The following NR2F1-AS1 variants were observed in gnomAD, a reference collection of about 807,000 sequenced individuals.
NR2F1-AS1 encodes NR2F1 antisense RNA 1.
chr5:93,476,624 A>G (rs1165778998), intron 4 of NR2F1-AS1, among the ~76,000 whole-genome samples: 1 of 152,192 alleles, frequency 6.6e-6, no homozygotes, highest in Non-Finnish European at 1.5e-5. Context: ...TCAATATCCC[A>G]TACATCAGCT....
intron 4 of NR2F1-AS1, among the ~76,000 whole-genome samples, chr5:93,510,963 G>A (rs1203150931): frequency 6.6e-6 from 1 of 152,122 alleles, no homozygotes; most frequent in African/African-American, 2.4e-5. Context: ...ACAGGAAATG[G>A]CAGTAATTCT....
intron 4 of NR2F1-AS1, among the ~76,000 whole-genome samples, chr5:93,418,530 A>G (rs534841639): frequency 1.3e-5 from 2 of 152,174 alleles, no homozygotes; most frequent in East Asian, 1.9e-4. Flanking sequence ...AAGTTGCAGT[A>G]AGCCAAGATT....
At chr5:93,511,692 CAGG>C (rs1455218927) in intron 4 of NR2F1-AS1, among the ~76,000 whole-genome samples, 3 of 152,174 alleles carry the variant, frequency 2.0e-5, no homozygotes, top group Non-Finnish European at 4.4e-5. Flanking sequence ...GGCCGCAAAG[CAGG>C]AGGTTAGCAG....
At chr5:93,568,149 T>C (rs766966771) in intron 1 of NR2F1-AS1, among the ~76,000 whole-genome samples, 2 of 152,332 alleles carry the variant, frequency 1.3e-5, no homozygotes, top group Non-Finnish European at 2.9e-5. Flanking sequence ...TAATTCAAGC[T>C]CTTGTGTAAA....
At chr5:93,540,657 G>A (rs530518213) in intron 4 of NR2F1-AS1, among the ~76,000 whole-genome samples, 4 of 152,146 alleles carry the variant, frequency 2.6e-5, no homozygotes, top group South Asian at 2.1e-4. Flanking sequence ...TTTTAGTGGA[G>A]TTGTGCTAAA....
upstream of NR2F1-AS1, chr5:93,583,836 T>A (rs891609376): frequency 6.6e-6 from 1 of 152,380 alleles, no homozygotes; most frequent in African/African-American, 2.4e-5. Flanking sequence ...TTCTTCTGAT[T>A]TTTATTTTTT....
intron 4 of NR2F1-AS1, among the ~76,000 whole-genome samples, chr5:93,466,311 C>T (rs1470072188): frequency 6.6e-6 from 1 of 151,666 alleles, no homozygotes; most frequent in Non-Finnish European, 1.5e-5. Context: ...TTTTTAATCA[C>T]ATACTGCCCT....
upstream of NR2F1-AS1, among the ~76,000 whole-genome samples, chr5:93,582,327 A>C (rs1753121171): frequency 6.6e-6 from 1 of 152,030 alleles, no homozygotes; most frequent in Non-Finnish European, 1.5e-5. Context: ...TTTATTTTTA[A>C]AATCATCTTT....
intron 4 of NR2F1-AS1, among the ~76,000 whole-genome samples, chr5:93,435,939 A>C (rs1288670227): frequency 2.0e-5 from 3 of 152,206 alleles, no homozygotes; most frequent in Admixed American, 2.0e-4. Context: ...CATGAAAACA[A>C]AGTAGATGTT....
chr5:93,419,760 C>T lies in NR2F1-AS1; in HGVS notation n.639-24218G>A, dbSNP rs138855145. Among the ~76,000 whole-genome samples the T allele has an allele frequency of 3.3e-3, 505 of 152,260 alleles. 2 individuals carry two copies. Among genetic ancestry groups the T allele is most frequent in the Non-Finnish European group, 5.2e-3 (351 of 68,010 alleles). On this transcript the variant is annotated intron_variant and non_coding_transcript_variant, in intron 4 of 5. Transcript: ENST00000660523. ...TGCAAAATTGACACCCCTTTCCTCT[C>T]CTAGGTTCTGAGCAAATAAAGAAAT...
At position 93,530,141 on chromosome 5, in the gene NR2F1-AS1, C is replaced by T. The variant is rs990314277; in HGVS notation, n.638+23620G>A. Among the ~76,000 whole-genome samples the T allele has an allele frequency of 6.1e-5, 8 of 132,188 alleles. No individual in the cohort carries two copies. The East Asian group carries it at 6.6e-4, about 11-fold the overall frequency. The allele number at this position is 132,188 out of a possible 152,430, so 86.7% of individuals were successfully genotyped here. ...TATCGCCCAGGCTGGAGTGCAGTGGCGCAATCTCAACTCACCGCAACCTCC... is the reference window on the plus strand; with the variant it reads ...TATCGCCCAGGCTGGAGTGCAGTGGTGCAATCTCAACTCACCGCAACCTCC... On this transcript the variant is annotated intron_variant and non_coding_transcript_variant, in intron 4 of 5. Coordinates refer to ENST00000660523, the Ensembl canonical transcript of NR2F1-AS1.
intron 4 of NR2F1-AS1, among the ~76,000 whole-genome samples, chr5:93,468,830 G>T (rs1750302883): frequency 6.6e-6 from 1 of 152,248 alleles, no homozygotes; most frequent in East Asian, 1.9e-4. Context: ...TGTATAAGGT[G>T]TAAGGAAGGG....
chr5:93,467,632 T>C (rs1750267744), intron 4 of NR2F1-AS1, among the ~76,000 whole-genome samples: 1 of 152,236 alleles, frequency 6.6e-6, no homozygotes, highest in South Asian at 2.1e-4. Context: ...AATATTCTGG[T>C]AGAATCCTTT....
intron 4 of NR2F1-AS1, chr5:93,409,870 C>T (rs1748814533): frequency 6.6e-6 from 1 of 152,178 alleles, no homozygotes; most frequent in Non-Finnish European, 1.5e-5. Flanking sequence ...AGCACTTACA[C>T]AATGCATTTC....
At chr5:93,438,146 T>A (rs540482413) in intron 4 of NR2F1-AS1, among the ~76,000 whole-genome samples, 2 of 152,330 alleles carry the variant, frequency 1.3e-5, no homozygotes, top group African/African-American at 4.8e-5. Flanking sequence ...TGTCTGGGCC[T>A]CACTCTGTAT....
intron 1 of NR2F1-AS1, among the ~76,000 whole-genome samples, chr5:93,577,301 C>T (rs534603698): frequency 6.6e-6 from 1 of 152,340 alleles, no homozygotes; most frequent in African/African-American, 2.4e-5. Context: ...CTGAGCATTT[C>T]GACCCAAAGG....
At chr5:93,554,894 A>C (rs919425790) in exon 3 of NR2F1-AS1, 1 of 152,186 alleles carries the variant, frequency 6.6e-6, no homozygotes, top group African/African-American at 2.4e-5. Flanking sequence ...TAGCTACCAT[A>C]AGGATGCAGC....
chr5:93,443,849 C>T (rs1749629656), intron 4 of NR2F1-AS1, among the ~76,000 whole-genome samples: 1 of 152,224 alleles, frequency 6.6e-6, no homozygotes, highest in Non-Finnish European at 1.5e-5. Context: ...AACAGCAGAT[C>T]TCTTGGCAGA....
chr5:93,536,391 C>T (rs765416288), intron 4 of NR2F1-AS1, among the ~76,000 whole-genome samples: 1 of 152,060 alleles, frequency 6.6e-6, no homozygotes, highest in Non-Finnish European at 1.5e-5. Context: ...AATGCAATAC[C>T]TGTCAAAATA....
Sources: gnomAD v4.1 joint callset for allele counts (sites outside exome capture counted in the v4.1 genomes callset) on GRCh38, gnomAD v4.1.1 for gene constraint, MANE v1.5 for transcripts, NCBI Gene and HGNC (gene_info 2026-07-23, HGNC 2026-07-21) for gene names.